SYT6: variants seen among roughly 807,000 people sequenced by gnomAD.
The protein encoded by SYT6 is synaptotagmin 6.
Under a neutral mutation model 38.4 loss-of-function variants are expected in SYT6, and 24 were observed. The observed-to-expected ratio is 0.62, with a 90% CI of 0.45 to 0.88. SYT6 has a LOEUF of 0.88. Ranked by LOEUF, SYT6 falls within the 40% of genes least tolerant of loss-of-function variation. The pLI is 0.00. For missense variants in SYT6, 611 were observed against 621.0 expected, an observed-to-expected ratio of 0.98 and a Z score of 0.17; for synonymous variants, 265 against 241.9, an observed-to-expected ratio of 1.10 and a Z score of -0.89.
chr1:114,105,037 C>T (rs550766537), intron 3 of SYT6, among the ~76,000 whole-genome samples: 43 of 148,126 alleles, frequency 2.9e-4, no homozygotes, highest in African/African-American at 8.6e-4. Flanking sequence ...GCCATCTTTA[C>T]GAGTGGAGCT....
intron 1 of SYT6, among the ~76,000 whole-genome samples, chr1:114,146,770 C>T (rs1202145327): frequency 6.6e-6 from 1 of 152,190 alleles, no homozygotes; most frequent in East Asian, 1.9e-4. Context: ...TCAGACTGGC[C>T]TCACTAACAG....
At chr1:114,128,833 T>A (rs1360176303) in intron 3 of SYT6, among the ~76,000 whole-genome samples, 1 of 152,238 alleles carries the variant, frequency 6.6e-6, no homozygotes, top group Non-Finnish European at 1.5e-5. Flanking sequence ...TTAGAGTACC[T>A]CATGGTTAAA....
chr1:114,139,570 G>T (rs1351650445), intron 2 of SYT6, 45 bp downstream of exon 2: 1 of 1,611,128 alleles, frequency 6.2e-7, no homozygotes, highest in Non-Finnish European at 8.5e-7. Context: ...TATTAAGGGA[G>T]TGTGGAGGTG....
chr1:114,124,234 G>A (rs1310787671), intron 3 of SYT6, among the ~76,000 whole-genome samples: 2 of 152,198 alleles, frequency 1.3e-5, no homozygotes, highest in Non-Finnish European at 2.9e-5. Context: ...TCTATGGAGG[G>A]TGGAGCCTGG....
chr1:114,107,139 G>A (rs1399413390), intron 3 of SYT6, among the ~76,000 whole-genome samples: 6 of 152,190 alleles, frequency 3.9e-5, no homozygotes, highest in African/African-American at 1.4e-4. Context: ...AGTTGCCTGC[G>A]CTTTCACAGG....
intron 7 of SYT6, among the ~76,000 whole-genome samples, chr1:114,093,042 C>T (rs1675416767): frequency 6.6e-6 from 1 of 152,118 alleles, no homozygotes; most frequent in Non-Finnish European, 1.5e-5. Flanking sequence ...GCCTTCCTGA[C>T]CTGGAAGTGC....
intron 3 of SYT6, among the ~76,000 whole-genome samples, chr1:114,134,234 A>G (rs1678346287): frequency 6.6e-6 from 1 of 152,216 alleles, no homozygotes; most frequent in Non-Finnish European, 1.5e-5. Flanking sequence ...ACACATGCAC[A>G]GGCTGGGTCT....
chr1:114,113,318 C>A (rs187866188), intron 3 of SYT6, among the ~76,000 whole-genome samples: 183 of 152,316 alleles, frequency 1.2e-3, no homozygotes, highest in African/African-American at 4.0e-3. Context: ...TTCTCCCATC[C>A]CTGCCTCTAA....
At chr1:114,105,570 C>T (rs1676249816) in intron 3 of SYT6, among the ~76,000 whole-genome samples, 1 of 152,126 alleles carries the variant, frequency 6.6e-6, no homozygotes, top group South Asian at 2.1e-4. Context: ...CTCCTGCACA[C>T]AGAACCACGT....
At chr1:114,106,059 A>G (rs1387117473) in intron 3 of SYT6, among the ~76,000 whole-genome samples, 1 of 152,170 alleles carries the variant, frequency 6.6e-6, no homozygotes, top group Non-Finnish European at 1.5e-5. Flanking sequence ...CCTAGTCAAG[A>G]GAGAGACACA....
chr1:114,141,532 G>A (rs905878088), intron 1 of SYT6, among the ~76,000 whole-genome samples: 3 of 152,210 alleles, frequency 2.0e-5, no homozygotes, highest in Non-Finnish European at 4.4e-5. Flanking sequence ...TCTCCATAAT[G>A]CAAAAGTTCA....
chr1:114,112,021 G>A (rs1020825621), intron 3 of SYT6, among the ~76,000 whole-genome samples: 16 of 152,314 alleles, frequency 1.1e-4, no homozygotes, highest in Middle Eastern at 3.4e-3. Flanking sequence ...CTGTTGTGAC[G>A]CTCGGGGCTT....
At chr1:114,142,932 G>A (rs1008816280) in intron 1 of SYT6, among the ~76,000 whole-genome samples, 1 of 152,024 alleles carries the variant, frequency 6.6e-6, no homozygotes, top group Admixed American at 6.6e-5. Flanking sequence ...ATTTTACACT[G>A]TATATGTGTA....
At chr1:114,112,645 G>A (rs1261644170) in intron 3 of SYT6, among the ~76,000 whole-genome samples, 1 of 152,244 alleles carries the variant, frequency 6.6e-6, no homozygotes. Context: ...CAGGAAGTCT[G>A]TGCCGTAGGG....
chr1:114,100,240 G>A (rs1006537507), intron 4 of SYT6, among the ~76,000 whole-genome samples: 11 of 152,256 alleles, frequency 7.2e-5, no homozygotes, highest in Middle Eastern at 3.4e-3. Flanking sequence ...ATGGGAGGGC[G>A]GCTCACAGGT....
intron 3 of SYT6, among the ~76,000 whole-genome samples, chr1:114,130,710 C>A (rs775171673): frequency 1.3e-5 from 2 of 152,186 alleles, no homozygotes; most frequent in African/African-American, 2.4e-5. Context: ...CTATGTTTGC[C>A]CCTTCAATAC....
At chr1:114,097,455 C>T (rs1370083579) in intron 6 of SYT6, among the ~76,000 whole-genome samples, 2 of 152,200 alleles carry the variant, frequency 1.3e-5, no homozygotes, top group Admixed American at 1.3e-4. Context: ...AGACCTGGCA[C>T]AGTGGTCTGC....
intron 3 of SYT6, among the ~76,000 whole-genome samples, chr1:114,118,971 C>T (rs1216385108): frequency 6.6e-6 from 1 of 152,224 alleles, no homozygotes; most frequent in Non-Finnish European, 1.5e-5. Context: ...TCACTGCCCT[C>T]CGTGCACACC....
At position 114,137,710 on chromosome 1, in the gene SYT6, G is replaced by A. The variant is rs1191446156; in HGVS notation, c.856C>T (p.His286Tyr). Residue 286 changes from histidine to tyrosine, a missense_variant, in exon 3 of 8, where the codon CAC becomes TAC. Physicochemically the swap from His to Tyr is moderately conservative, Grantham distance 83 (BLOSUM62 2). Transcript: ENST00000610222. ...DRKCKLQTRV[H>Y]RKTLNPTFDE... ...AAGGTGGGGTTCAGGGTCTTGCGGTGCACCCGGGTCTGCAGCTTGCATTTG... is the reference window on the plus strand; with the variant it reads ...AAGGTGGGGTTCAGGGTCTTGCGGTACACCCGGGTCTGCAGCTTGCATTTG... 1 of 1,613,762 alleles carries A rather than the reference G, an allele frequency of 6.2e-7. No homozygotes were observed.
Sources: allele counts gnomAD v4.1 joint callset (sites outside exome capture counted in the v4.1 genomes callset), GRCh38; gene constraint gnomAD v4.1.1; transcripts MANE v1.5; gene names NCBI Gene and HGNC (gene_info 2026-07-23, HGNC 2026-07-21).